Variants in SH3BP5 observed in about 807,000 individuals in gnomAD.
The protein encoded by SH3BP5 is SH3 domain binding protein 5.
Under a neutral mutation model 43.3 loss-of-function variants are expected in SH3BP5, and 22 were observed. The observed-to-expected ratio is 0.51, with a 90% CI of 0.36 to 0.73. The LOEUF (loss-of-function observed/expected upper bound fraction) is 0.73, where lower values mean the gene tolerates loss of function less well. SH3BP5 is among the 30% of genes least tolerant of loss of function. The pLI is 0.00. For missense variants in SH3BP5, 529 were observed against 586.9 expected (o/e 0.90, Z 1.02); for synonymous variants, 255 against 225.8 (o/e 1.13, Z -1.16).
At chr3:15,265,423 G>A (rs1297374265) in intron 4 of SH3BP5, among the ~76,000 whole-genome samples, 1 of 151,618 alleles carries the variant, frequency 6.6e-6, no homozygotes, top group East Asian at 1.9e-4. Context: ...GGCTGAGGCA[G>A]GAGAAAAGCT....
At position 15,257,169 on chromosome 3, in the gene SH3BP5, A is replaced by T. The variant is rs1013167370; in HGVS notation, c.890-56T>A. 3 of 1,561,342 alleles carry T rather than the reference A, an allele frequency of 1.9e-6. No individual in the cohort carries two copies. In the Admixed American group the frequency reaches 5.2e-5, roughly 27 times the overall value. On this transcript the variant is annotated intron_variant, in intron 7 of 8. Transcript: ENST00000383791. ...GTTCTGTCACCTCCTCAAACACCAC[A>T]AGTGCTTGCTGCTGGCAGGCAGCTA...
At chr3:15,332,199 T>A in intron 1 of SH3BP5, 72 bp downstream of exon 1, 1 of 1,541,484 alleles carries the variant, frequency 6.5e-7, no homozygotes, top group African/African-American at 1.4e-5. Context: ...GCGAAGTGGC[T>A]GTACGCGTAG....
At chr3:15,295,505 A>G (rs940747416) in intron 3 of SH3BP5, among the ~76,000 whole-genome samples, 3 of 152,164 alleles carry the variant, frequency 2.0e-5, no homozygotes, top group African/African-American at 7.2e-5. Flanking sequence ...ATTGGCCTCC[A>G]AGTATAGCAA....
intron 2 of SH3BP5, among the ~76,000 whole-genome samples, chr3:15,319,706 C>G (rs1698272814): frequency 1.3e-5 from 2 of 152,170 alleles, no homozygotes; most frequent in African/African-American, 4.8e-5. Flanking sequence ...AGAAAGGTCA[C>G]ACGTAGGCAC....
intron 3 of SH3BP5, among the ~76,000 whole-genome samples, chr3:15,287,009 G>A (rs1237109056): frequency 6.6e-6 from 1 of 152,224 alleles, no homozygotes; most frequent in African/African-American, 2.4e-5. Context: ...CACAGATCAA[G>A]ACTCAGGCTT....
At chr3:15,340,071 G>A (rs1014687579) in intron 1 of SH3BP5, among the ~76,000 whole-genome samples, 1 of 152,014 alleles carries the variant, frequency 6.6e-6, no homozygotes, top group Non-Finnish European at 1.5e-5. Flanking sequence ...GGTTAACCAA[G>A]AACAAATCAT....
At chr3:15,270,145 A>T (rs1447517164) in intron 3 of SH3BP5, among the ~76,000 whole-genome samples, 1 of 152,192 alleles carries the variant, frequency 6.6e-6, no homozygotes, top group Non-Finnish European at 1.5e-5. Context: ...AGAACCTGAC[A>T]TGGCAAACCA....
In SH3BP5 at chr3:15,286,948, A is replaced by T. The variant is rs550512746; in HGVS notation, c.331-17071T>A. ...TAAGATGCAATTTCTGCTCTCAAGG[A>T]GCTCACGGTTCCAGGGCAGGCTTCT... On this transcript the variant is annotated intron_variant, in intron 3 of 8. Transcript: ENST00000383791. 2.4e-4 allele frequency among the ~76,000 whole-genome samples: 37 copies of T among 152,270 alleles called. 1 individual carries two copies. Among genetic ancestry groups the T allele is most frequent in the Admixed American group, 2.0e-3 (30 of 15,302 alleles).
chr3:15,333,780 C>T (rs1287171469), upstream of SH3BP5, among the ~76,000 whole-genome samples: 1 of 152,172 alleles, frequency 6.6e-6, no homozygotes, highest in Non-Finnish European at 1.5e-5. Context: ...GGAGGTAGTG[C>T]CATGGTTTGT....
intron 3 of SH3BP5, among the ~76,000 whole-genome samples, chr3:15,284,932 A>G (rs1697224851): frequency 6.6e-6 from 1 of 152,174 alleles, no homozygotes; most frequent in Admixed American, 6.5e-5. Flanking sequence ...CAGACCCAGG[A>G]CCTTTGGAGT....
intron 3 of SH3BP5, among the ~76,000 whole-genome samples, chr3:15,287,724 A>G (rs915948919): frequency 6.6e-6 from 1 of 152,238 alleles, no homozygotes; most frequent in Non-Finnish European, 1.5e-5. Flanking sequence ...GGATTACGCA[A>G]TGATGCAAAA....
At chr3:15,294,331 G>A (rs980313836) in intron 3 of SH3BP5, among the ~76,000 whole-genome samples, 2 of 73,278 alleles carry the variant, frequency 2.7e-5, no homozygotes, top group African/African-American at 7.1e-5. Context: ...GTGTGTGTGT[G>A]CGCGCGCATG....
upstream of SH3BP5, chr3:15,332,702 GCAAAACCCCAGCTCCCTCCA>G: frequency 6.4e-6 from 7 of 1,096,616 alleles, no homozygotes; most frequent in Non-Finnish European, 7.8e-6. Flanking sequence ...GGTCTCCGTC[GCAAAACCCCAGCTCCCTCCA>G]CATCTCCAAG....
At chr3:15,330,235 G>C (rs1466715315) in intron 2 of SH3BP5, among the ~76,000 whole-genome samples, 1 of 152,206 alleles carries the variant, frequency 6.6e-6, no homozygotes, top group East Asian at 1.9e-4. Context: ...TAAAACTTGG[G>C]GCTTAAGCGT....
At chr3:15,312,558 C>G (rs1215633990) in intron 2 of SH3BP5, among the ~76,000 whole-genome samples, 1 of 152,180 alleles carries the variant, frequency 6.6e-6, no homozygotes, top group Non-Finnish European at 1.5e-5. Flanking sequence ...ACATAAACCC[C>G]TCTTGAACCA....
rs974695974 is a variant in SH3BP5 at position 15,337,923 on chromosome 3, A to G, written c.-402+3300T>C. ...GAGTGAGACCCTGACTCAAAAAAAAAAAAAAAAAAAAAAAGTGCCCCAAAG... is the reference window on the plus strand; with the variant it reads ...GAGTGAGACCCTGACTCAAAAAAAAGAAAAAAAAAAAAAAGTGCCCCAAAG... On this transcript the variant is annotated intron_variant, in intron 1 of 8. Transcript: ENST00000408919. 8.6e-5 allele frequency among the ~76,000 whole-genome samples: 13 copies of G among 151,234 alleles called. No homozygotes were observed. In the East Asian group the frequency reaches 2.3e-3, roughly 27 times the overall value.
intron 3 of SH3BP5, among the ~76,000 whole-genome samples, chr3:15,298,997 T>C (rs1257847511): frequency 1.3e-5 from 2 of 152,154 alleles, no homozygotes; most frequent in African/African-American, 4.8e-5. Flanking sequence ...GTAAAAATGG[T>C]ACATTTTGTG....
intron 3 of SH3BP5, among the ~76,000 whole-genome samples, chr3:15,273,840 T>C (rs1480045374): frequency 6.7e-6 from 1 of 150,042 alleles, no homozygotes; most frequent in East Asian, 1.9e-4. Flanking sequence ...ATGGACTGAA[T>C]GTTTGTGCCC....
At chr3:15,331,249 A>G (rs1698600751) in intron 1 of SH3BP5, among the ~76,000 whole-genome samples, 1 of 152,240 alleles carries the variant, frequency 6.6e-6, no homozygotes, top group Non-Finnish European at 1.5e-5. Context: ...ACTTTAATTA[A>G]TAGCATTCCT....
Sources: allele counts gnomAD v4.1 joint callset (sites outside exome capture counted in the v4.1 genomes callset), GRCh38; gene constraint gnomAD v4.1.1; transcripts MANE v1.5; gene names NCBI Gene and HGNC (gene_info 2026-07-23, HGNC 2026-07-21).